Variants in UHRF2 observed in about 807,000 individuals in gnomAD.
The protein encoded by UHRF2 is ubiquitin like with PHD and ring finger domains 2.
Under a neutral mutation model 96.8 loss-of-function variants are expected in UHRF2, and 23 were observed. The observed-to-expected ratio is 0.24, with a 90% CI of 0.17 to 0.34. The LOEUF is 0.34. UHRF2 is among the 10% of genes least tolerant of loss of function. The probability of loss-of-function intolerance (pLI) is 1.00; values close to 1 mark genes in which losing one functional copy is unlikely to be tolerated. For missense variants in UHRF2, 685 were observed against 981.5 expected, an observed-to-expected ratio of 0.70 and a Z score of 4.04; for synonymous variants, 385 against 332.6, an observed-to-expected ratio of 1.16 and a Z score of -1.72.
At chr9:6,478,432 C>CT (rs1242823146) in intron 6 of UHRF2, among the ~76,000 whole-genome samples, 1 of 152,164 alleles carries the variant, frequency 6.6e-6, no homozygotes, top group African/African-American at 2.4e-5. Flanking sequence ...TTACTAAACA[C>CT]TAACAAAGTG....
intron 4 of UHRF2, among the ~76,000 whole-genome samples, chr9:6,462,573 A>C (rs1174094573): frequency 6.6e-6 from 1 of 152,202 alleles, no homozygotes; most frequent in Non-Finnish European, 1.5e-5. Flanking sequence ...GCATGTGTAC[A>C]CAGTAGGATA....
intron 1 of UHRF2, 78 bp downstream of exon 1, chr9:6,413,721 G>A (rs781326855): frequency 4.0e-5 from 54 of 1,344,258 alleles, no homozygotes; most frequent in African/African-American, 1.5e-5. Context: ...CGGTCCGAGG[G>A]CTCTGTGCGC....
chr9:6,449,430 G>C (rs1169040221), intron 3 of UHRF2: 1 of 152,234 alleles, frequency 6.6e-6, no homozygotes, highest in African/African-American at 2.4e-5. Flanking sequence ...CAGCATCATG[G>C]TCTAAGGGCT....
intron 3 of UHRF2, among the ~76,000 whole-genome samples, chr9:6,436,953 A>G (rs935459613): frequency 3.9e-5 from 6 of 152,232 alleles, no homozygotes; most frequent in Non-Finnish European, 7.3e-5. Flanking sequence ...GCTTAGTAAC[A>G]GGTAAATGTC....
In UHRF2 at chr9:6,416,633, TC is replaced by T. The variant is rs1819617534; in HGVS notation, c.153+2992del. On this transcript the variant is annotated intron_variant, in intron 1 of 15. Coordinates refer to ENST00000276893, the MANE Select transcript of UHRF2 (RefSeq NM_152896.3). ...TCTCCGCTCACTGCAAGCTCCGCCT[TC>T]CGGGTTCACGCCATTCTGCCTCAGC... 2.1e-5 allele frequency among the ~76,000 whole-genome samples: 3 copies of T among 146,020 alleles called. No homozygotes were observed. The Admixed American group carries it at 2.1e-4, about 10-fold the overall frequency.
intron 9 of UHRF2, among the ~76,000 whole-genome samples, chr9:6,491,165 C>T (rs1054789573): frequency 6.6e-6 from 1 of 152,172 alleles, no homozygotes; most frequent in African/African-American, 2.4e-5. Context: ...CAAAGATGAC[C>T]TCTCAGTTGT....
intron 4 of UHRF2, among the ~76,000 whole-genome samples, chr9:6,474,975 C>G (rs977887218): frequency 6.6e-6 from 1 of 151,980 alleles, no homozygotes; most frequent in African/African-American, 2.4e-5. Flanking sequence ...AAATATATTG[C>G]TTACATAAAA....
intron 8 of UHRF2, among the ~76,000 whole-genome samples, chr9:6,482,533 G>T (rs1237748187): frequency 6.6e-6 from 1 of 151,414 alleles, no homozygotes; most frequent in African/African-American, 2.4e-5. Context: ...GCTAATCCAA[G>T]AATAAAATAA....
At chr9:6,461,899 A>G (rs894062003) in intron 4 of UHRF2, among the ~76,000 whole-genome samples, 1 of 152,068 alleles carries the variant, frequency 6.6e-6, no homozygotes, top group Non-Finnish European at 1.5e-5. Context: ...ACATCCTTGT[A>G]TATGCATTTT....
chr9:6,447,709 C>T (rs949369942), intron 3 of UHRF2, among the ~76,000 whole-genome samples: 2 of 151,756 alleles, frequency 1.3e-5, no homozygotes, highest in Non-Finnish European at 2.9e-5. Flanking sequence ...CCCCCGAGGA[C>T]AAAAAAAGGC....
chr9:6,463,225 G>T (rs557444093), intron 4 of UHRF2, among the ~76,000 whole-genome samples: 1 of 150,154 alleles, frequency 6.7e-6, no homozygotes, highest in South Asian at 2.1e-4. Flanking sequence ...AGATTGCCGT[G>T]AGCTGAGGTC....
At chr9:6,464,075 C>T (rs772660459) in intron 4 of UHRF2, among the ~76,000 whole-genome samples, 2 of 152,104 alleles carry the variant, frequency 1.3e-5, no homozygotes, top group Non-Finnish European at 2.9e-5. Context: ...TATGAGAGTT[C>T]CTGTTGTTAG....
intron 8 of UHRF2, 111 bp from the exon 9 acceptor site, chr9:6,486,710 G>A: frequency 1.0e-6 from 1 of 972,376 alleles, no homozygotes; most frequent in Non-Finnish European, 1.5e-6. Context: ...ATAGAACTCT[G>A]TGAGACTCAC....
At chr9:6,417,369 A>T (rs1369571008) in intron 1 of UHRF2, among the ~76,000 whole-genome samples, 2 of 152,230 alleles carry the variant, frequency 1.3e-5, no homozygotes, top group Non-Finnish European at 2.9e-5. Context: ...CTTTTGAGAC[A>T]TTGATGGACC....
chr9:6,439,776 A>G (rs1181012780), intron 3 of UHRF2, among the ~76,000 whole-genome samples: 1 of 152,104 alleles, frequency 6.6e-6, no homozygotes, highest in African/African-American at 2.4e-5. Flanking sequence ...GGCACATACA[A>G]CTTGGCTGTG....
chr9:6,477,679 C>G lies in UHRF2; in HGVS notation c.1031C>G (p.Ser344Cys). 6.2e-7 allele frequency: 1 copy of G among 1,614,140 alleles called. No individual in the cohort carries two copies. Among genetic ancestry groups the G allele is most frequent in the Non-Finnish European group, 8.5e-7 (1 of 1,180,008 alleles). The change falls in exon 6 of 16, where the codon TCT (serine) becomes TGT (cysteine). Residue 344 changes from serine to cysteine, a missense_variant. By Grantham distance (112) the Ser-to-Cys change is moderately radical. Coordinates refer to ENST00000276893, the MANE Select transcript of UHRF2 (RefSeq NM_152896.3). ...CGGDPEKKCH[S>C]CSCRVCGGKH... ...GGAGACCCAGAAAAGAAATGTCATT[C>G]TTGCTCCTGTCGTGTATGTGGTGGG... is the stretch of plus-strand genomic sequence containing the variant.
At chr9:6,461,295 A>G (rs529838749) in intron 4 of UHRF2, among the ~76,000 whole-genome samples, 2 of 151,676 alleles carry the variant, frequency 1.3e-5, no homozygotes, top group East Asian at 3.9e-4. Context: ...AGATATTTCT[A>G]TCATTTCTTT....
intron 14 of UHRF2, among the ~76,000 whole-genome samples, chr9:6,503,072 G>A (rs1405405333): frequency 6.6e-6 from 1 of 152,130 alleles, no homozygotes; most frequent in Non-Finnish European, 1.5e-5. Flanking sequence ...TCAGCTCACT[G>A]CAACCTCCAC....
chr9:6,492,316 G>A (rs1175412433), intron 9 of UHRF2: 1 of 1,253,446 alleles, frequency 8.0e-7, no homozygotes, highest in East Asian at 5.7e-5. Context: ...ACAGAGTTAT[G>A]AATATGAATA....
Sources: allele counts gnomAD v4.1 joint callset (sites outside exome capture counted in the v4.1 genomes callset), GRCh38; gene constraint gnomAD v4.1.1; transcripts MANE v1.5; gene names NCBI Gene and HGNC (gene_info 2026-07-23, HGNC 2026-07-21).